Variants in SLCO3A1 observed in about 807,000 individuals in gnomAD.
The protein encoded by SLCO3A1 is solute carrier organic anion transporter family member 3A1.
Under a neutral mutation model 63.1 loss-of-function variants are expected in SLCO3A1, and 27 were observed. The ratio of observed to expected loss-of-function variants is 0.43; its 90% CI spans 0.32 to 0.59. The LOEUF is 0.59. Among genes scored for constraint, SLCO3A1 ranks in the 20% least tolerant of loss-of-function variants. The pLI is 0.09. For synonymous variants in SLCO3A1, 473 were observed against 409.9 expected (o/e 1.15, Z -1.86); for missense variants, 773 against 945.8 (o/e 0.82, Z 2.40).
At chr15:92,171,016 T>C (rs77509558) in intron 10 of SLCO3A1, 8,834 of 152,266 alleles carry the variant, frequency 0.058, 364 homozygotes, top group Non-Finnish European at 0.083. Flanking sequence ...GGCTTCAGCT[T>C]CACAATCCCG....
At position 91,853,794 on chromosome 15, in the gene SLCO3A1, G is replaced by A. The variant is rs1896836925; in HGVS notation, c.-115G>A. 2.0e-6 allele frequency: 2 copies of A among 1,011,354 alleles called. No individual in the cohort carries two copies. The highest frequency in any genetic ancestry group is 5.3e-5 in the Admixed American group (1 of 18,752). 62.6% of individuals were successfully genotyped at this position (1,011,354 alleles called of 1,614,324 possible). On this transcript the variant is annotated 5_prime_UTR_variant, in exon 1 of 10. Transcript: ENST00000318445. Reference sequence around the variant, plus strand: ...GGACGGGGGCGGCCGCCGCGAACCCGGGGCGGGGACAGCACGCAGCCTCGA... The same window carrying A: ...GGACGGGGGCGGCCGCCGCGAACCCAGGGCGGGGACAGCACGCAGCCTCGA...
intron 2 of SLCO3A1, among the ~76,000 whole-genome samples, chr15:92,047,714 A>G (rs2046906944): frequency 7.1e-6 from 1 of 141,558 alleles, no homozygotes; most frequent in Non-Finnish European, 1.5e-5. Flanking sequence ...AACCTGTGTC[A>G]TTCAAAACCT....
At chr15:92,084,799 A>C (rs2047386233) in intron 2 of SLCO3A1, among the ~76,000 whole-genome samples, 1 of 152,234 alleles carries the variant, frequency 6.6e-6, no homozygotes, top group South Asian at 2.1e-4. Context: ...AGAAAAATAA[A>C]GGTTCACATG....
chr15:91,954,530 A>G lies in SLCO3A1; in HGVS notation c.646+38072A>G, dbSNP rs1900104819. Reference sequence around the variant, plus strand: ...TGTGTGGGAGAGTGATGAACAGCCTACCTGGTCAGGTGCCCCGCAGGCTTT... The same window carrying G: ...TGTGTGGGAGAGTGATGAACAGCCTGCCTGGTCAGGTGCCCCGCAGGCTTT... On this transcript the variant is annotated intron_variant, in intron 2 of 9. Transcript: ENST00000318445. The surrounding 1 kb of genome is among the most constrained non-coding windows in gnomAD (Gnocchi z 4.7). Among the ~76,000 whole-genome samples, 1 of 152,136 alleles carries G rather than the reference A, an allele frequency of 6.6e-6. No individual in the cohort carries two copies. The highest frequency in any genetic ancestry group is 2.4e-5 in the African/African-American group (1 of 41,420).
At chr15:91,994,512 G>A (rs8029185) in intron 2 of SLCO3A1, among the ~76,000 whole-genome samples, 3,772 of 152,256 alleles carry the variant, frequency 0.025, 148 homozygotes, top group African/African-American at 0.086. Context: ...CATGCCCTCA[G>A]CAGCTACGTT....
intron 5 of SLCO3A1, among the ~76,000 whole-genome samples, chr15:92,122,618 T>C (rs1002950823): frequency 1.3e-5 from 2 of 152,224 alleles, no homozygotes; most frequent in Admixed American, 6.5e-5. Flanking sequence ...TAACCATATG[T>C]CTGTGCTGTG....
intron 2 of SLCO3A1, among the ~76,000 whole-genome samples, chr15:92,034,298 A>G (rs2046695442): frequency 6.6e-6 from 1 of 151,478 alleles, no homozygotes; most frequent in South Asian, 2.1e-4. Context: ...TGACCTGAGT[A>G]ACTGGCTAGG....
At chr15:91,986,253 G>A (rs974341833) in intron 2 of SLCO3A1, among the ~76,000 whole-genome samples, 2 of 152,198 alleles carry the variant, frequency 1.3e-5, no homozygotes, top group African/African-American at 4.8e-5. Context: ...CTGGGTCAGG[G>A]GGTAAAGAGC....
chr15:92,063,825 G>C (rs1312295217), intron 2 of SLCO3A1, among the ~76,000 whole-genome samples: 2 of 152,130 alleles, frequency 1.3e-5, no homozygotes, highest in South Asian at 2.1e-4. Context: ...ACTCCAGCCT[G>C]GGCAACAGAG....
chr15:92,170,822 C>T (rs1450810459), downstream of SLCO3A1: 3 of 152,260 alleles, frequency 2.0e-5, no homozygotes, highest in Non-Finnish European at 4.4e-5. Flanking sequence ...TCAGCAGGAA[C>T]TTCCCAGCCA....
chr15:91,988,512 T>C (rs17644168), intron 2 of SLCO3A1, among the ~76,000 whole-genome samples: 33,895 of 151,580 alleles, frequency 0.22, 4,176 homozygotes, highest in East Asian at 0.39. Context: ...TTACATGGGA[T>C]GGTTCAGCAT....
chr15:92,051,359 A>G (rs1268319419), intron 2 of SLCO3A1, among the ~76,000 whole-genome samples: 1 of 152,158 alleles, frequency 6.6e-6, no homozygotes, highest in Non-Finnish European at 1.5e-5. Flanking sequence ...GCATCCCTGT[A>G]GCCTGGACTG....
intron 2 of SLCO3A1, among the ~76,000 whole-genome samples, chr15:92,078,626 C>T (rs1342479577): frequency 2.6e-5 from 4 of 152,178 alleles, no homozygotes; most frequent in Non-Finnish European, 4.4e-5. Flanking sequence ...CTGTTCCTGC[C>T]TTCTTCCTGT....
chr15:92,120,580 C>T lies in SLCO3A1; in HGVS notation c.1125C>T (p.Tyr375=). 1 of 1,613,904 alleles carries T rather than the reference C, an allele frequency of 6.2e-7. No individual in the cohort carries two copies. ...GCTTCGCTGCCTTTTTGGGGAAGTA[C>T]CTGGAGCAGCAGTTTAACCTCACCA... The part of the protein sequence containing the change: ...VAGFAAFLGK[Y]LEQQFNLTTS... The change falls in exon 5 of 10, where the codon TAC becomes TAT. Residue 375 remains tyrosine, a synonymous_variant. Transcript: ENST00000318445.
chr15:91,876,737 C>T (rs1325614367), intron 1 of SLCO3A1, among the ~76,000 whole-genome samples: 3 of 152,202 alleles, frequency 2.0e-5, no homozygotes, highest in Non-Finnish European at 2.9e-5. Context: ...CCCAGCCAGT[C>T]CACTGAGTAG....
At chr15:91,956,737 C>T (rs1373854300) in intron 2 of SLCO3A1, among the ~76,000 whole-genome samples, 2 of 150,046 alleles carry the variant, frequency 1.3e-5, no homozygotes, top group African/African-American at 2.5e-5. Flanking sequence ...GTCCAAGCCC[C>T]CATGATCTCT....
intron 2 of SLCO3A1, among the ~76,000 whole-genome samples, chr15:92,021,907 T>C (rs1195793633): frequency 6.6e-6 from 1 of 151,936 alleles, no homozygotes; most frequent in African/African-American, 2.4e-5. Context: ...CCTAATACAG[T>C]GGCAGCCCTG....
chr15:92,108,672 T>G (rs1031837372), intron 4 of SLCO3A1, among the ~76,000 whole-genome samples: 1 of 152,242 alleles, frequency 6.6e-6, no homozygotes, highest in Non-Finnish European at 1.5e-5. Flanking sequence ...GGGTCTCTTC[T>G]GCAGCCGCAT....
intron 2 of SLCO3A1, among the ~76,000 whole-genome samples, chr15:92,054,507 A>G (rs892535144): frequency 1.3e-5 from 2 of 152,064 alleles, no homozygotes; most frequent in African/African-American, 4.8e-5. Flanking sequence ...GGTTTGTTAT[A>G]TAGGGAAACA....
Sources: gnomAD v4.1 joint callset for allele counts (sites outside exome capture counted in the v4.1 genomes callset) on GRCh38, gnomAD v4.1.1 for gene constraint, Gnocchi (gnomAD v3.1) non-coding constraint, MANE v1.5 for transcripts, NCBI Gene and HGNC (gene_info 2026-07-23, HGNC 2026-07-21) for gene names.